Variants in EFHC2 observed in about 807,000 individuals in gnomAD.
EFHC2 encodes the protein EF-hand domain containing 2, also known as EF-hand domain-containing family member C2.
EFHC2 carries 18 observed loss-of-function variants against 52.7 expected under a neutral mutation model. That is an observed-to-expected ratio of 0.34 (90% CI 0.24 to 0.51). The LOEUF (loss-of-function observed/expected upper bound fraction) is 0.51. Ranked by LOEUF, EFHC2 falls within the 20% of genes least tolerant of loss-of-function variation. The pLI, the probability that EFHC2 is intolerant of heterozygous loss-of-function variation, is 0.97. For synonymous variants in EFHC2, 203 were observed against 204.1 expected (o/e 0.99, Z 0.04); for missense variants, 513 against 562.5 (o/e 0.91, Z 0.89).
chrX:44,182,263 C>T lies in EFHC2; in HGVS notation c.1752-3699G>A, dbSNP rs752543303. On this transcript the variant is annotated intron_variant, in intron 11 of 14. Transcript: ENST00000420999. ...TGTATCAGGACTTCATCGTTTTTCA[C>T]GGCTGAATTCTTATTCATTGTACTA... Among the ~76,000 whole-genome samples the T allele has an allele frequency of 1.8e-4, 20 of 112,510 alleles. No individual in the cohort carries two copies. In the East Asian group the frequency reaches 4.7e-3, roughly 27 times the overall value.
At chrX:44,244,591 AT>A (rs1321033424) in intron 7 of EFHC2, among the ~76,000 whole-genome samples, 2 of 112,050 alleles carry the variant, frequency 1.8e-5, no homozygotes, top group East Asian at 5.6e-4. Context: ...TTGAATGCCC[AT>A]CCATGGTTGA....
intron 4 of EFHC2, among the ~76,000 whole-genome samples, chrX:44,253,611 C>T (rs2037470177): frequency 8.9e-6 from 1 of 112,307 alleles, no homozygotes; most frequent in South Asian, 3.7e-4. Context: ...GAAAGAAAGG[C>T]AGCAGCCCCA....
At chrX:44,243,799 G>A (rs777706569) in intron 7 of EFHC2, among the ~76,000 whole-genome samples, 8 of 111,780 alleles carry the variant, frequency 7.2e-5, no homozygotes, top group Non-Finnish European at 1.1e-4. Flanking sequence ...TGATTTTAAA[G>A]AAAAGTCTTG....
intron 8 of EFHC2, 61 bp downstream of exon 8, chrX:44,242,060 T>C (rs2037363266): frequency 1.9e-6 from 2 of 1,072,368 alleles, no homozygotes; most frequent in African/African-American, 1.9e-5. Context: ...ATGAGAACTA[T>C]GTTATAAACC....
chrX:44,297,639 G>C (rs762850278), intron 2 of EFHC2, among the ~76,000 whole-genome samples: 5 of 106,001 alleles, frequency 4.7e-5, no homozygotes, highest in Admixed American at 1.1e-4. Context: ...TAAGGCAGAA[G>C]AATCATTTGA....
intron 11 of EFHC2, among the ~76,000 whole-genome samples, chrX:44,203,963 C>G (rs2037026508): frequency 9.1e-6 from 1 of 110,300 alleles, no homozygotes; most frequent in Non-Finnish European, 1.9e-5. Context: ...TGGACACCAA[C>G]CTACCTACTG....
At chrX:44,297,728 CA>C (rs761598774) in intron 2 of EFHC2, among the ~76,000 whole-genome samples, 9,688 of 41,231 alleles carry the variant, frequency 0.23, 525 homozygotes, top group Admixed American at 0.37. Flanking sequence ...GACTCCATCT[CA>C]AAAAAAAAAA....
intron 9 of EFHC2, among the ~76,000 whole-genome samples, chrX:44,234,673 C>T (rs907879984): frequency 1.8e-5 from 2 of 111,982 alleles, no homozygotes; most frequent in Non-Finnish European, 3.8e-5. Context: ...GTGTCTTCAG[C>T]ACTGATAAAA....
intron 11 of EFHC2, among the ~76,000 whole-genome samples, chrX:44,202,039 G>GA (rs961909453): frequency 1.2e-3 from 127 of 109,118 alleles, no homozygotes; most frequent in Non-Finnish European, 2.2e-3. Context: ...AATAAAAATA[G>GA]AAAAAAAAAT....
intron 1 of EFHC2, among the ~76,000 whole-genome samples, chrX:44,322,441 G>T (rs764237942): frequency 8.9e-6 from 1 of 111,771 alleles, no homozygotes; most frequent in Non-Finnish European, 1.9e-5. Context: ...ATGTTACCTG[G>T]CTTAGACCCC....
chrX:44,309,259 T>C, intron 2 of EFHC2: 1 of 507,697 alleles, frequency 2.0e-6, no homozygotes, highest in South Asian at 2.8e-5. Context: ...CTTCAGCTGA[T>C]TTTTTTTATG....
At chrX:44,262,899 ATCTT>A (rs1272676221) in intron 3 of EFHC2, among the ~76,000 whole-genome samples, 1 of 112,015 alleles carries the variant, frequency 8.9e-6, no homozygotes, top group Non-Finnish European at 1.9e-5. Context: ...GGGAGCTACT[ATCTT>A]TATTAGACTG....
chrX:44,198,542 C>A (rs759238341), intron 11 of EFHC2, among the ~76,000 whole-genome samples: 1 of 111,324 alleles, frequency 9.0e-6, no homozygotes, highest in Non-Finnish European at 1.9e-5. Context: ...TTGTGCATGG[C>A]AAAATGGTAG....
chrX:44,286,036 A>C (rs1471316070), intron 2 of EFHC2: 2 of 112,594 alleles, frequency 1.8e-5, no homozygotes, highest in Non-Finnish European at 3.7e-5. Flanking sequence ...AAGCCCGAGA[A>C]ACTGTGAGAA....
chrX:44,304,694 A>T (rs183627036), intron 2 of EFHC2, among the ~76,000 whole-genome samples: 12 of 111,098 alleles, frequency 1.1e-4, no homozygotes, highest in Admixed American at 9.7e-4. Context: ...CAATGAAATA[A>T]CGAAGTCTTT....
chrX:44,308,927 A>G (rs1244790509), intron 2 of EFHC2, among the ~76,000 whole-genome samples: 1 of 112,686 alleles, frequency 8.9e-6, no homozygotes, highest in African/African-American at 3.2e-5. Context: ...ATTTGTTTGT[A>G]AAGTGCCAGT....
intron 7 of EFHC2, 65 bp downstream of exon 7, chrX:44,248,207 A>G (rs2037414979): frequency 1.0e-6 from 1 of 988,370 alleles, no homozygotes; most frequent in African/African-American, 2.0e-5. Context: ...CCAAAGTAAA[A>G]TCTTAATTAG....
At chrX:44,311,923 G>A (rs920878074) in intron 2 of EFHC2, among the ~76,000 whole-genome samples, 3 of 112,122 alleles carry the variant, frequency 2.7e-5, no homozygotes, top group African/African-American at 9.7e-5. Flanking sequence ...ACAATCTGAC[G>A]AGACTCTTAG....
chrX:44,179,224 G>A (rs779988257), intron 11 of EFHC2, among the ~76,000 whole-genome samples: 1 of 110,190 alleles, frequency 9.1e-6, no homozygotes, highest in South Asian at 3.8e-4. Context: ...TCAAGGCCTA[G>A]CAAATTGGCT....
Sources: allele counts gnomAD v4.1 joint callset (sites outside exome capture counted in the v4.1 genomes callset), GRCh38; gene constraint gnomAD v4.1.1; transcripts MANE v1.5; gene names NCBI Gene and HGNC (gene_info 2026-07-23, HGNC 2026-07-21).